Variants in KLHL6 observed in about 807,000 individuals in gnomAD.
The protein encoded by KLHL6 is kelch like family member 6, also known as kelch-like protein 6.
A neutral mutation model predicts 58.6 loss-of-function variants in KLHL6; 41 were observed. The observed-to-expected ratio is 0.70, with a 90% CI of 0.55 to 0.91. KLHL6 has a LOEUF of 0.91. Among genes scored for constraint, KLHL6 ranks in the 40% least tolerant of loss-of-function variants. The probability of loss-of-function intolerance (pLI) is 0.00; values close to 1 mark genes in which losing one functional copy is unlikely to be tolerated. For missense variants in KLHL6, 714 were observed against 805.6 expected (o/e 0.89, Z 1.38); for synonymous variants, 338 against 322.7 (o/e 1.05, Z -0.51).
chr3:183,540,870 G>C (rs1712529017), intron 1 of KLHL6, among the ~76,000 whole-genome samples: 1 of 152,184 alleles, frequency 6.6e-6, no homozygotes. Flanking sequence ...AAACCAACGA[G>C]GTCGGCTCAG....
At position 183,555,470 on chromosome 3, in the gene KLHL6, G is replaced by A. The variant is rs1713087080; in HGVS notation, c.184C>T (p.Leu62=). ...AGLSLILQNG[L]ETLRMENALT... ...GCGTTTTCCATTCGCAGGGTTTCCA[G>A]GCCATTCTGAAGAATTAAGGAGAGT... The change falls in exon 1 of 7, where the codon CTG becomes TTG. Residue 62 remains leucine, a synonymous_variant. Coordinates refer to ENST00000341319, the MANE Select transcript of KLHL6 (RefSeq NM_130446.4). 1 of 1,614,008 alleles carries A rather than the reference G, an allele frequency of 6.2e-7. No individual in the cohort carries two copies. The highest frequency in any genetic ancestry group is 1.1e-5 in the South Asian group (1 of 91,086).
rs147949861 is a variant in KLHL6, at chr3:183,529,680, C to T, written c.294-1670G>A. Reference sequence around the variant, plus strand: ...CTCCATCTCTACAACAATACAAAAACTAGCCAGTCATGTCTAATCTCTTGA... The same window carrying T: ...CTCCATCTCTACAACAATACAAAAATTAGCCAGTCATGTCTAATCTCTTGA... On this transcript the variant is annotated intron_variant, in intron 1 of 6. Transcript: ENST00000341319. 5.9e-3 allele frequency among the ~76,000 whole-genome samples: 893 copies of T among 151,958 alleles called. 2 individuals are homozygous for T. Among genetic ancestry groups the T allele is most frequent in the Non-Finnish European group, 0.011 (719 of 67,956 alleles).
rs375861083 is a variant in KLHL6, at chr3:183,539,838, C to T, written c.294-11828G>A. On this transcript the variant is annotated intron_variant, in intron 1 of 6. Coordinates refer to ENST00000341319, the MANE Select transcript of KLHL6 (RefSeq NM_130446.4). ...GCCATGTTCCTAGGGAAGCAGAATC[C>T]CTCCAAGTCCCACCAGACCATTGCT... Among the ~76,000 whole-genome samples, 103 of 152,292 alleles carry T rather than the reference C, an allele frequency of 6.8e-4. No homozygotes were observed. In the Middle Eastern group the frequency reaches 0.027, roughly 40 times the overall value.
rs59577322 is a variant in KLHL6, at chr3:183,490,794, C to CAAAAAAA, written c.*1126_*1132dup. On this transcript the variant is annotated 3_prime_UTR_variant, in exon 7 of 7. Transcript: ENST00000341319. The stretch of plus-strand genomic sequence containing the variant: ...CACTCCAGCCTGGGCGACTTCATCT[C>CAAAAAAA]AAAAAAAAAAAAAAGAGGGTTTCAA... The CAAAAAAA allele has an allele frequency of 7.2e-6, 1 of 139,602 alleles. No individual in the cohort carries two copies. The highest frequency in any genetic ancestry group is 2.6e-5 in the African/African-American group (1 of 38,382). 8.6% of individuals were successfully genotyped at this position (139,602 alleles called of 1,614,324 possible). A position where few individuals can be genotyped will look rare whatever the true frequency, so the allele number is the denominator to read the frequency against.
chr3:183,513,961 AC>A (rs1718259503), intron 2 of KLHL6, among the ~76,000 whole-genome samples: 1 of 152,188 alleles, frequency 6.6e-6, no homozygotes, highest in African/African-American at 2.4e-5. Flanking sequence ...ATGAGTGAGA[AC>A]ATGCGTTGTT....
At chr3:183,534,577 A>G (rs772023890) in intron 1 of KLHL6, among the ~76,000 whole-genome samples, 2 of 151,766 alleles carry the variant, frequency 1.3e-5, no homozygotes, top group Admixed American at 1.3e-4. Context: ...CTAATTTTGC[A>G]ATGTTTGTAG....
intron 1 of KLHL6, among the ~76,000 whole-genome samples, chr3:183,534,131 T>TATAA (rs10663153): frequency 3.5e-5 from 1 of 28,682 alleles, no homozygotes; most frequent in Admixed American, 3.9e-4. Context: ...TAAAGTACTT[T>TATAA]GTACTTTTAA....
At chr3:183,533,820 C>A (rs1211744108) in intron 1 of KLHL6, among the ~76,000 whole-genome samples, 2 of 151,898 alleles carry the variant, frequency 1.3e-5, no homozygotes, top group Non-Finnish European at 2.9e-5. Context: ...TCAATGGTAA[C>A]CCTCCTAACC....
At position 183,508,081 on chromosome 3, in the gene KLHL6, A is replaced by C. The variant is rs1260644627; in HGVS notation, c.887T>G (p.Met296Arg). The C allele has an allele frequency of 6.2e-7, 1 of 1,614,074 alleles. No individual in the cohort carries two copies. Among genetic ancestry groups the C allele is most frequent in the East Asian group, 2.2e-5 (1 of 44,882 alleles). ...CACCTCATTGCCAGAAAGGTGGTAC[A>C]TCCTGGCTTCCTGGAGCAGCGGGAA... ...EVFPLLQEAR[M>R]YHLSGNEIIS... Residue 296 changes from methionine to arginine, a missense_variant, in exon 3 of 7, where the codon ATG becomes AGG. Physicochemically the swap from Met to Arg is moderately conservative, Grantham distance 91. This residue lies in a region of KLHL6 where 510 missense variants were observed against 629.7 expected (regional missense o/e 0.81). Transcript: ENST00000341319.
chr3:183,502,320 GTGAA>G (rs755495525), intron 3 of KLHL6, among the ~76,000 whole-genome samples: 20 of 149,910 alleles, frequency 1.3e-4, no homozygotes, highest in Non-Finnish European at 1.9e-4. Context: ...AAAAAAATGA[GTGAA>G]TGGATGAGTG....
rs772835742 is a variant in KLHL6, at chr3:183,492,430, C to T, written c.1564+64G>A. The T allele has an allele frequency of 3.8e-4, 599 of 1,560,228 alleles. No homozygotes were observed. The highest frequency in any genetic ancestry group is 5.1e-4 in the Non-Finnish European group (576 of 1,134,644). ...TGGAGACACCGCGACACACCGTTTACGTGCTGCAGCCAGGCGCTCATCAGG... is the reference window on the plus strand; with the variant it reads ...TGGAGACACCGCGACACACCGTTTATGTGCTGCAGCCAGGCGCTCATCAGG... On this transcript the variant is annotated intron_variant, in intron 6 of 6. Coordinates refer to ENST00000341319, the MANE Select transcript of KLHL6 (RefSeq NM_130446.4). This position sits in a 1 kb window ranked among gnomAD's most constrained non-coding sequence, Gnocchi z 5.9.
chr3:183,534,399 TTTTG>T (rs201435224), intron 1 of KLHL6, among the ~76,000 whole-genome samples: 4 of 151,980 alleles, frequency 2.6e-5, no homozygotes, highest in South Asian at 2.1e-4. Flanking sequence ...TCACCACATT[TTTTG>T]TTTGTTTGTT....
At chr3:183,509,401 CT>C (rs1718115293) in intron 2 of KLHL6, among the ~76,000 whole-genome samples, 1 of 151,984 alleles carries the variant, frequency 6.6e-6, no homozygotes, top group Non-Finnish European at 1.5e-5. Flanking sequence ...ACATTGTGAC[CT>C]TATTTTTATA....
chr3:183,503,133 G>A (rs1239193937), intron 3 of KLHL6, among the ~76,000 whole-genome samples: 1 of 152,252 alleles, frequency 6.6e-6, no homozygotes, highest in Non-Finnish European at 1.5e-5. Flanking sequence ...TTTATTTTCA[G>A]ATTGTTAAAA....
At chr3:183,530,060 G>C (rs74857496) in intron 1 of KLHL6, among the ~76,000 whole-genome samples, 6,315 of 152,140 alleles carry the variant, frequency 0.042, 431 homozygotes, top group African/African-American at 0.14. Context: ...GGACTTTCAG[G>C]ATCCAGAACT....
chr3:183,522,007 C>A (rs1251991670), intron 2 of KLHL6, among the ~76,000 whole-genome samples: 1 of 147,972 alleles, frequency 6.8e-6, no homozygotes, highest in Non-Finnish European at 1.5e-5. Context: ...ACTTACATGA[C>A]TTTAAACAAT....
At chr3:183,509,714 AGAGGGGGC>A (rs1454490927) in intron 2 of KLHL6, among the ~76,000 whole-genome samples, 3 of 152,206 alleles carry the variant, frequency 2.0e-5, no homozygotes, top group African/African-American at 7.2e-5. Flanking sequence ...GCTTCTGCTC[AGAGGGGGC>A]GCATGCTATA....
chr3:183,539,784 C>G (rs1326139480), intron 1 of KLHL6, among the ~76,000 whole-genome samples: 1 of 152,052 alleles, frequency 6.6e-6, no homozygotes, highest in African/African-American at 2.4e-5. Context: ...AGGACACTGC[C>G]CACGGCCCCT....
At chr3:183,537,593 C>A (rs1407263369) in intron 1 of KLHL6, among the ~76,000 whole-genome samples, 3 of 152,134 alleles carry the variant, frequency 2.0e-5, no homozygotes, top group African/African-American at 7.2e-5. Context: ...AAAATAGAGC[C>A]TGACCCAGCA....
Sources: gnomAD v4.1 joint callset for allele counts (sites outside exome capture counted in the v4.1 genomes callset) on GRCh38, gnomAD v4.1.1 for gene constraint, gnomAD v4.1.1 regional missense constraint, Gnocchi (gnomAD v3.1) non-coding constraint, MANE v1.5 for transcripts, NCBI Gene and HGNC (gene_info 2026-07-23, HGNC 2026-07-21) for gene names.